FSTL1: variants seen among roughly 807,000 people sequenced by gnomAD.
The protein encoded by FSTL1 is follistatin like 1.
FSTL1 carries 24 observed loss-of-function variants against 45.9 expected under a neutral mutation model. The ratio of observed to expected loss-of-function variants is 0.52; its 90% CI spans 0.38 to 0.74. The LOEUF (loss-of-function observed/expected upper bound fraction) is 0.74. Among genes scored for constraint, FSTL1 ranks in the 30% least tolerant of loss-of-function variants. FSTL1 has a pLI of 0.00. For synonymous variants in FSTL1, 120 were observed against 137.6 expected, an observed-to-expected ratio of 0.87 and a Z score of 0.89; for missense variants, 340 against 381.8, an observed-to-expected ratio of 0.89 and a Z score of 0.91.
rs199863523 is a variant in FSTL1, at chr3:120,404,971, T to C, written c.463A>G (p.Asn155Asp). Residue 155 changes from asparagine (N) to aspartate (D), a missense_variant and splice_region_variant, in exon 7 of 11, where the codon AAC becomes GAC. Transcript: ENST00000295633. ...AGGCGAGAATCACCATTATCAAAGT[T>C]CTAGAAAGGGCATGACAAGATCGTT... is the stretch of plus-strand genomic sequence containing the variant. ...YSEILDKYFK[N>D]FDNGDSRLDS... 1.2e-5 allele frequency: 18 copies of C among 1,480,520 alleles called. No homozygotes were observed. The East Asian group carries it at 3.8e-4, about 32-fold the overall frequency. The allele number at this position is 1,480,520 out of a possible 1,614,324, so 91.7% of individuals were successfully genotyped here.
At chr3:120,424,973 C>A (rs1343199917) in intron 2 of FSTL1, among the ~76,000 whole-genome samples, 2 of 151,826 alleles carry the variant, frequency 1.3e-5, no homozygotes, top group Non-Finnish European at 2.9e-5. Flanking sequence ...GGCAGAGGAA[C>A]AAATGAGCTC....
intron 2 of FSTL1, among the ~76,000 whole-genome samples, chr3:120,448,428 C>G (rs1417179905): frequency 1.3e-5 from 2 of 152,104 alleles, no homozygotes; most frequent in Non-Finnish European, 2.9e-5. Context: ...GGTTAATGTA[C>G]CTCTTCATCA....
chr3:120,410,630 G>A (rs1576212418), intron 5 of FSTL1: 1 of 433,900 alleles, frequency 2.3e-6, no homozygotes, highest in East Asian at 5.5e-5. Flanking sequence ...CTATTTGCTG[G>A]TCCCATGACA....
chr3:120,392,589 A>C lies in FSTL1; in HGVS notation c.*4363T>G, dbSNP rs550567365. On this transcript the variant is annotated 3_prime_UTR_variant, in exon 11 of 11. Transcript: ENST00000295633. ...CAATTTGGATTTTTACCATGTACAC[A>C]TATTATTTTTTCAGTAAAAAAGTTA... 1.3e-5 allele frequency: 2 copies of C among 152,208 alleles called. No homozygotes were observed. Among genetic ancestry groups the C allele is most frequent in the African/African-American group, 4.8e-5 (2 of 41,462 alleles). 9.4% of individuals were successfully genotyped at this position (152,208 alleles called of 1,614,324 possible).
chr3:120,428,671 T>A (rs1937425881), intron 2 of FSTL1, among the ~76,000 whole-genome samples: 1 of 152,010 alleles, frequency 6.6e-6, no homozygotes, highest in African/African-American at 2.4e-5. Context: ...AAGGCAGAGG[T>A]TGCAATGAGC....
At chr3:120,439,537 C>CA (rs1225524897) in intron 2 of FSTL1, among the ~76,000 whole-genome samples, 1 of 152,202 alleles carries the variant, frequency 6.6e-6, no homozygotes, top group Non-Finnish European at 1.5e-5. Context: ...ATAAGATGCA[C>CA]AAATGTAGAA....
chr3:120,437,568 T>TTG (rs980824497), intron 2 of FSTL1, among the ~76,000 whole-genome samples: 6 of 151,898 alleles, frequency 4.0e-5, no homozygotes, highest in East Asian at 1.9e-4. Flanking sequence ...CAGTGTCTAT[T>TTG]TGTGTGTGTG....
At chr3:120,442,807 A>ACTGCCAGATGTCCAGTTATTTG (rs1559745446) in intron 2 of FSTL1, among the ~76,000 whole-genome samples, 3 of 147,458 alleles carry the variant, frequency 2.0e-5, no homozygotes, top group African/African-American at 7.8e-5. Context: ...AAAAAAAAAA[A>ACTGCCAGATGTCCAGTTATTTG]AAAGCAGACT....
chr3:120,428,406 C>T (rs1007368364), intron 2 of FSTL1, among the ~76,000 whole-genome samples: 3 of 152,116 alleles, frequency 2.0e-5, no homozygotes, highest in Non-Finnish European at 4.4e-5. Context: ...CTGGGAGACC[C>T]AGCATAGCAA....
At chr3:120,412,459 T>C (rs751520609) in intron 3 of FSTL1, among the ~76,000 whole-genome samples, 32 of 152,210 alleles carry the variant, frequency 2.1e-4, no homozygotes, top group Non-Finnish European at 4.1e-4. Context: ...CAAGGTGCCA[T>C]CTTGGAAGTT....
At chr3:120,414,893 CTTTG>C (rs1052488202) in intron 3 of FSTL1, among the ~76,000 whole-genome samples, 1 of 150,394 alleles carries the variant, frequency 6.6e-6, no homozygotes, top group Non-Finnish European at 1.5e-5. Context: ...AACCAGAGAC[CTTTG>C]TTCACTTGTT....
chr3:120,405,977 T>C (rs1200916742), intron 6 of FSTL1, among the ~76,000 whole-genome samples: 6 of 152,190 alleles, frequency 3.9e-5, no homozygotes, highest in African/African-American at 1.4e-4. Context: ...ACTTTCAAGA[T>C]GGCTCCCCAG....
chr3:120,442,024 G>C (rs960295049), intron 2 of FSTL1, among the ~76,000 whole-genome samples: 1 of 152,240 alleles, frequency 6.6e-6, no homozygotes, highest in Non-Finnish European at 1.5e-5. Flanking sequence ...CCAGCACAAA[G>C]GCTGTGCAAA....
At chr3:120,423,142 T>G (rs983532657) in intron 2 of FSTL1, 1 of 152,198 alleles carries the variant, frequency 6.6e-6, no homozygotes, top group Non-Finnish European at 1.5e-5. Context: ...GACAGTGATG[T>G]TTACCTCCAC....
Position 120,395,448 on chromosome 3 carries a change from T to G in FSTL1, c.*1504A>C. ...CCCCTGTTGAATCTGAAACTTTCTTTTATCCTCATCTCTAAGGGAATGCTT... is the reference window on the plus strand; with the variant it reads ...CCCCTGTTGAATCTGAAACTTTCTTGTATCCTCATCTCTAAGGGAATGCTT... On this transcript the variant is annotated 3_prime_UTR_variant, in exon 11 of 11. Transcript: ENST00000295633. 1 of 352,570 alleles carries G rather than the reference T, an allele frequency of 2.8e-6. No individual in the cohort carries two copies. 21.8% of individuals were successfully genotyped at this position (352,570 alleles called of 1,614,324 possible). A position where few individuals can be genotyped will look rare whatever the true frequency, so the allele number is the denominator to read the frequency against.
chr3:120,429,283 G>A (rs187484829), intron 2 of FSTL1, among the ~76,000 whole-genome samples: 7 of 152,368 alleles, frequency 4.6e-5, no homozygotes, highest in Admixed American at 4.6e-4. Flanking sequence ...TCTGGTCTCT[G>A]GGGCTTTCTG....
rs1936684629 is a variant in FSTL1 at position 120,395,737 on chromosome 3, C to T, written c.*1215G>A. ...TCCCCTCTGGACCAATGATCAGAAC[C>T]ACAGAATTTATAACTTATCAAATCA... On this transcript the variant is annotated 3_prime_UTR_variant, in exon 11 of 11. Transcript: ENST00000295633. The T allele has an allele frequency of 1.9e-6, 1 of 534,152 alleles. No homozygotes were observed. The highest frequency in any genetic ancestry group is 1.9e-5 in the African/African-American group (1 of 51,882). The allele number at this position is 534,152 out of a possible 1,614,324, so 33.1% of individuals were successfully genotyped here.
At chr3:120,397,092 G>T (rs1936717599) in intron 10 of FSTL1, 96 bp from the exon 11 acceptor site, 1 of 992,040 alleles carries the variant, frequency 1.0e-6, no homozygotes, top group Non-Finnish European at 1.6e-6. Context: ...GCATTTACAA[G>T]CTTATGCTGA....
chr3:120,415,838 T>C lies in FSTL1; in HGVS notation c.168+85A>G, dbSNP rs1459260155. The C allele has an allele frequency of 1.4e-5, 10 of 732,128 alleles. No homozygotes were observed. The East Asian group carries it at 2.5e-4, about 19-fold the overall frequency. The allele number at this position is 732,128 out of a possible 1,614,324, so 45.4% of individuals were successfully genotyped here. On this transcript the variant is annotated intron_variant, in intron 3 of 10. Transcript: ENST00000295633. ...TGCTTTTATAAAGAGAATGAAATCATTGGCACTGCCTGCTGATGGGTGGCT... is the reference window on the plus strand; with the variant it reads ...TGCTTTTATAAAGAGAATGAAATCACTGGCACTGCCTGCTGATGGGTGGCT...
Sources: gnomAD v4.1 joint callset for allele counts (sites outside exome capture counted in the v4.1 genomes callset) on GRCh38, gnomAD v4.1.1 for gene constraint, MANE v1.5 for transcripts, NCBI Gene and HGNC (gene_info 2026-07-23, HGNC 2026-07-21) for gene names.